The following SMAP2 variants were observed in gnomAD, a reference collection of about 807,000 sequenced individuals.
SMAP2 encodes small ArfGAP2, also known as stromal membrane-associated protein 2.
A neutral mutation model predicts 56.4 loss-of-function variants in SMAP2; 25 were observed. The observed-to-expected ratio is 0.44, with a 90% CI of 0.32 to 0.62. The LOEUF (loss-of-function observed/expected upper bound fraction) is 0.62. Ranked by LOEUF, SMAP2 falls within the 20% of genes least tolerant of loss-of-function variation. The pLI is 0.04. For missense variants in SMAP2, 388 were observed against 545.6 expected, an observed-to-expected ratio of 0.71 and a Z score of 2.88; for synonymous variants, 157 against 181.7, an observed-to-expected ratio of 0.86 and a Z score of 1.09.
At chr1:40,387,878 T>C (rs1031051211) in intron 1 of SMAP2, among the ~76,000 whole-genome samples, 2 of 151,092 alleles carry the variant, frequency 1.3e-5, no homozygotes, top group Non-Finnish European at 3.0e-5. Flanking sequence ...GAACCGGGGC[T>C]GTGTGCCGCA....
chr1:40,390,049 A>G (rs1387641867), intron 1 of SMAP2, among the ~76,000 whole-genome samples: 1 of 151,226 alleles, frequency 6.6e-6, no homozygotes, highest in East Asian at 1.9e-4. Context: ...ATTGTGTTCT[A>G]TTCTGAAACG....
intron 1 of SMAP2, among the ~76,000 whole-genome samples, chr1:40,393,669 C>T (rs1644740649): frequency 6.6e-6 from 1 of 150,970 alleles, no homozygotes; most frequent in Non-Finnish European, 1.5e-5. Context: ...CCTCAGCCTC[C>T]TGAATAGTTA....
In SMAP2 at chr1:40,374,108, C is replaced by G; in HGVS notation, c.-13C>G. 1.2e-6 allele frequency: 2 copies of G among 1,606,028 alleles called. No homozygotes were observed. The highest frequency in any genetic ancestry group is 1.1e-5 in the South Asian group (1 of 89,808). Reference sequence around the variant, plus strand: ...AGGGCGCGTCGCCCTCTGCCCCCGCCGGCACCCTGGCCATGACAGGCAAGT... The same window carrying G: ...AGGGCGCGTCGCCCTCTGCCCCCGCGGGCACCCTGGCCATGACAGGCAAGT... On this transcript the variant is annotated 5_prime_UTR_variant, in exon 1 of 10. Transcript: ENST00000372718. This position sits in a 1 kb window ranked among gnomAD's most constrained non-coding sequence, Gnocchi z 5.9.
Position 40,418,257 on chromosome 1 carries a change from A to C in SMAP2, c.1164+1161A>C, listed in dbSNP as rs940609710. 9.2e-5 allele frequency among the ~76,000 whole-genome samples: 14 copies of C among 152,276 alleles called. 1 individual carries two copies. Among genetic ancestry groups the C allele is most frequent in the East Asian group, 5.8e-4 (3 of 5,180 alleles). The stretch of plus-strand genomic sequence containing the variant: ...AAAAAGCCAAAATTTTCGTATAAAG[A>C]CTCAATTACAAGTTAGCTAAAGAAC... On this transcript the variant is annotated intron_variant, in intron 9 of 9. Transcript: ENST00000372718.
chr1:40,351,607 G>A (rs914811682), intron 1 of SMAP2, among the ~76,000 whole-genome samples: 1 of 152,060 alleles, frequency 6.6e-6, no homozygotes, highest in Non-Finnish European at 1.5e-5. Context: ...TGGGTCAAGC[G>A]ATTCTCACGC....
intron 1 of SMAP2, among the ~76,000 whole-genome samples, chr1:40,357,252 C>T (rs527276919): frequency 3.6e-4 from 55 of 151,992 alleles, no homozygotes; most frequent in African/African-American, 8.2e-4. Context: ...GTCAGGAGTT[C>T]GAGACCAGCC....
chr1:40,413,156 G>T (rs1201940322), intron 5 of SMAP2, 54 bp downstream of exon 5: 3 of 1,401,878 alleles, frequency 2.1e-6, no homozygotes, highest in South Asian at 1.2e-5. Flanking sequence ...GTGTATATTT[G>T]TGAAAGGGAA....
upstream of SMAP2, among the ~76,000 whole-genome samples, chr1:40,370,900 C>T (rs1047028791): frequency 4.6e-5 from 7 of 151,154 alleles, no homozygotes; most frequent in African/African-American, 9.7e-5. Flanking sequence ...ACTGGCCAGG[C>T]GCGGTGGCTC....
In SMAP2 at chr1:40,414,323, G is replaced by A. The variant is rs890523549; in HGVS notation, c.571+83G>A. ...ACCCTGGAAGATAGGTAGAGATGGG[G>A]TTCTCCAGTTTTGTCTTCATTGCCA... On this transcript the variant is annotated intron_variant, in intron 6 of 9. Coordinates refer to ENST00000372718, the MANE Select transcript of SMAP2 (RefSeq NM_022733.3). The A allele has an allele frequency of 3.8e-6, 5 of 1,304,770 alleles. No homozygotes were observed. In the African/African-American group the frequency reaches 5.9e-5, roughly 15 times the overall value. 80.8% of individuals were successfully genotyped at this position (1,304,770 alleles called of 1,614,324 possible).
At chr1:40,393,160 G>A (rs1644733806) in intron 1 of SMAP2, among the ~76,000 whole-genome samples, 2 of 151,368 alleles carry the variant, frequency 1.3e-5, no homozygotes, top group African/African-American at 4.9e-5. Context: ...ACCTAAAGGA[G>A]CTCTCAAAAA....
chr1:40,416,158 C>G lies in SMAP2; in HGVS notation c.682-18C>G, dbSNP rs766505043. 2.5e-6 allele frequency: 4 copies of G among 1,609,652 alleles called. No homozygotes were observed. The highest frequency in any genetic ancestry group is 1.3e-5 in the African/African-American group (1 of 74,742). ...ATGAGAACCATTTCAATTCTCCCCC[C>G]GCCCTCTTTGCCCTAAGGTTGTAGG... On this transcript the variant is annotated intron_variant, in intron 7 of 9. Transcript: ENST00000372718.
chr1:40,397,515 C>G (rs181561996), intron 1 of SMAP2, among the ~76,000 whole-genome samples: 1 of 152,278 alleles, frequency 6.6e-6, no homozygotes, highest in African/African-American at 2.4e-5. Context: ...TTACAGCTAT[C>G]CTTTAAGGCA....
chr1:40,387,266 G>A (rs1171843329), intron 1 of SMAP2, among the ~76,000 whole-genome samples: 2 of 152,086 alleles, frequency 1.3e-5, no homozygotes, highest in African/African-American at 4.8e-5. Flanking sequence ...TTAAAAACGT[G>A]TAAATACCTT....
chr1:40,407,299 A>G (rs1432336009), intron 2 of SMAP2, among the ~76,000 whole-genome samples: 6 of 152,198 alleles, frequency 3.9e-5, no homozygotes, highest in Admixed American at 2.6e-4. Flanking sequence ...AGCCTGGGCA[A>G]CAGAGTGAGA....
At chr1:40,393,051 A>C (rs1644732598) in intron 1 of SMAP2, among the ~76,000 whole-genome samples, 1 of 151,854 alleles carries the variant, frequency 6.6e-6, no homozygotes, top group Non-Finnish European at 1.5e-5. Context: ...GCAGTGAGCC[A>C]AGATCACACC....
chr1:40,419,229 C>A (rs1480531738), intron 9 of SMAP2, among the ~76,000 whole-genome samples: 1 of 151,250 alleles, frequency 6.6e-6, no homozygotes, highest in African/African-American at 2.4e-5. Flanking sequence ...AAGGTAATCA[C>A]TAGAACAAAC....
intron 1 of SMAP2, among the ~76,000 whole-genome samples, chr1:40,359,479 G>T (rs977102194): frequency 2.0e-5 from 3 of 152,138 alleles, no homozygotes; most frequent in African/African-American, 7.2e-5. Flanking sequence ...GCCACTTTAT[G>T]TCTTTTCATC....
Position 40,408,884 on chromosome 1 carries a change from G to T in SMAP2, c.323+146G>T. 1 of 609,948 alleles carries T rather than the reference G, an allele frequency of 1.6e-6. No homozygotes were observed. The highest frequency in any genetic ancestry group is 2.1e-5 in the South Asian group (1 of 48,184). The allele number at this position is 609,948 out of a possible 1,614,324, so 37.8% of individuals were successfully genotyped here. On this transcript the variant is annotated intron_variant, in intron 3 of 9. Coordinates refer to ENST00000372718, the MANE Select transcript of SMAP2 (RefSeq NM_022733.3). This position sits in a 1 kb window ranked among gnomAD's most constrained non-coding sequence, Gnocchi z 4.3. ...GCTTGTCCTCTGTCCTGCAATCAAGGTGCACAAAAAGCACATGTATTTGTG... is the reference window on the plus strand; with the variant it reads ...GCTTGTCCTCTGTCCTGCAATCAAGTTGCACAAAAAGCACATGTATTTGTG...
intron 4 of SMAP2, 128 bp from the exon 5 acceptor site, chr1:40,412,888 G>C (rs1278502856): frequency 3.0e-6 from 2 of 667,030 alleles, no homozygotes; most frequent in African/African-American, 3.7e-5. Context: ...CGCCCCCCAA[G>C]CTTGTCAGAC....
Sources: allele counts gnomAD v4.1 joint callset (sites outside exome capture counted in the v4.1 genomes callset), GRCh38; gene constraint gnomAD v4.1.1; non-coding constraint Gnocchi (gnomAD v3.1); transcripts MANE v1.5; gene names NCBI Gene and HGNC (gene_info 2026-07-23, HGNC 2026-07-21).